MEGF11: variants seen among roughly 807,000 people sequenced by gnomAD.
MEGF11 encodes multiple epidermal growth factor-like domains protein 11.
MEGF11 carries 126 observed loss-of-function variants against 146.6 expected under a neutral mutation model. The observed-to-expected ratio is 0.86, with a 90% CI of 0.74 to 1.00. MEGF11 has a LOEUF of 1.00. Among genes scored for constraint, MEGF11 ranks in the 50% least tolerant of loss-of-function variants. The probability of loss-of-function intolerance (pLI) is 0.00; values close to 1 mark genes in which losing one functional copy is unlikely to be tolerated. For synonymous variants in MEGF11, 532 were observed against 583.4 expected, an observed-to-expected ratio of 0.91 and a Z score of 1.27; for missense variants, 1,509 against 1,521.2, an observed-to-expected ratio of 0.99 and a Z score of 0.13.
chr15:66,099,170 G>A (rs965642048), intron 4 of MEGF11, among the ~76,000 whole-genome samples: 8 of 150,462 alleles, frequency 5.3e-5, no homozygotes, highest in Non-Finnish European at 1.2e-4. Context: ...ACCTGGCCAA[G>A]AGCCACTCCC....
intron 9 of MEGF11, among the ~76,000 whole-genome samples, chr15:65,961,855 G>C (rs894731248): frequency 6.6e-6 from 1 of 152,202 alleles, no homozygotes; most frequent in South Asian, 2.1e-4. Context: ...TTTGAGGCTA[G>C]GCTTCTAGGG....
chr15:66,055,477 G>A (rs1597035418), intron 5 of MEGF11, among the ~76,000 whole-genome samples: 1 of 152,234 alleles, frequency 6.6e-6, no homozygotes, highest in Non-Finnish European at 1.5e-5. Flanking sequence ...ATAATTGCAC[G>A]AGGGTGCCTC....
At chr15:66,252,434 C>A (rs2092387428) in intron 1 of MEGF11, among the ~76,000 whole-genome samples, 1 of 152,196 alleles carries the variant, frequency 6.6e-6, no homozygotes. Context: ...GATCCTGAAG[C>A]GGAGCCACTT....
intron 5 of MEGF11, among the ~76,000 whole-genome samples, chr15:66,036,101 G>A (rs1738173228): frequency 6.6e-6 from 1 of 152,268 alleles, no homozygotes; most frequent in African/African-American, 2.4e-5. Context: ...AGAGGGGCCA[G>A]GAGCTGGCAT....
chr15:66,186,777 G>A (rs2090717740), intron 1 of MEGF11, among the ~76,000 whole-genome samples: 1 of 152,196 alleles, frequency 6.6e-6, no homozygotes, highest in African/African-American at 2.4e-5. Flanking sequence ...TTTTCTCTCT[G>A]TCCTGTTTGG....
intron 5 of MEGF11, among the ~76,000 whole-genome samples, chr15:66,020,464 A>G (rs1316291982): frequency 2.0e-5 from 3 of 152,214 alleles, no homozygotes; most frequent in African/African-American, 7.2e-5. Context: ...TGTTCTTTCC[A>G]GTTACAAGAG....
intron 1 of MEGF11, among the ~76,000 whole-genome samples, chr15:66,223,735 T>C (rs553010108): frequency 2.2e-4 from 34 of 152,182 alleles, no homozygotes; most frequent in African/African-American, 7.9e-4. Flanking sequence ...AAAAATAAAA[T>C]AAAAATGAAA....
chr15:66,229,322 C>G, intron 1 of MEGF11, among the ~76,000 whole-genome samples: 1 of 151,988 alleles, frequency 6.6e-6, no homozygotes, highest in East Asian at 1.9e-4. Context: ...TGTCCACAAG[C>G]CCCAGGCTCC....
intron 19 of MEGF11, 62 bp downstream of exon 19, chr15:65,915,408 C>CT: frequency 1.3e-6 from 2 of 1,569,614 alleles, no homozygotes; most frequent in Admixed American, 1.8e-5. Context: ...GAGTTGGAAT[C>CT]TCCCTAGAGC....
intron 5 of MEGF11, among the ~76,000 whole-genome samples, chr15:65,996,700 G>T (rs996105990): frequency 6.6e-5 from 10 of 152,000 alleles, no homozygotes; most frequent in African/African-American, 2.4e-4. Flanking sequence ...TGACCAGGCT[G>T]GTCTCAAACT....
intron 1 of MEGF11, among the ~76,000 whole-genome samples, chr15:66,250,061 T>G (rs1289423654): frequency 1.3e-5 from 2 of 152,232 alleles, no homozygotes; most frequent in East Asian, 3.8e-4. Flanking sequence ...ACCAAACAGC[T>G]GTGGATGCTG....
rs1597110654 is a variant in MEGF11 at position 66,128,394 on chromosome 15, A to G, written c.10T>C (p.Ser4Pro). 1.3e-6 allele frequency: 2 copies of G among 1,512,470 alleles called. No homozygotes were observed. The highest frequency in any genetic ancestry group is 5.2e-5 in the East Asian group (2 of 38,104). 93.7% of individuals were successfully genotyped at this position (1,512,470 alleles called of 1,614,324 possible). A position where few individuals can be genotyped will look rare whatever the true frequency, so the allele number is the denominator to read the frequency against. MVL[S>P]LTGLIAFSFL... The stretch of plus-strand genomic sequence containing the variant: ...GAGAAGGCAATGAGCCCCGTCAGGG[A>G]GAGCACCATCCCGGGCCCTGCACAG... Residue 4 changes from serine to proline, a missense_variant, in exon 2 of 26, where the codon TCC becomes CCC. Coordinates refer to ENST00000395614, the MANE Select transcript of MEGF11 (RefSeq NM_001385028.1).
At chr15:65,925,489 T>C (rs117588398) in intron 13 of MEGF11, among the ~76,000 whole-genome samples, 296 of 152,316 alleles carry the variant, frequency 1.9e-3, no homozygotes, top group Non-Finnish European at 3.4e-3. Context: ...TTTCCCCATA[T>C]GGAGTGCCCA....
intron 25 of MEGF11, chr15:65,898,458 C>T (rs763510759): frequency 5.4e-5 from 53 of 983,246 alleles, no homozygotes; most frequent in East Asian, 2.3e-4. Flanking sequence ...TGTGTGTGCG[C>T]GCGTGCACGT....
chr15:66,180,676 G>A (rs1206168115), intron 1 of MEGF11, among the ~76,000 whole-genome samples: 1 of 152,196 alleles, frequency 6.6e-6, no homozygotes, highest in Non-Finnish European at 1.5e-5. Flanking sequence ...TAACACTTTA[G>A]GGGAAACTGC....
At chr15:65,945,957 A>G (rs2080176813) in intron 10 of MEGF11, among the ~76,000 whole-genome samples, 1 of 152,212 alleles carries the variant, frequency 6.6e-6, no homozygotes, top group Non-Finnish European at 1.5e-5. Flanking sequence ...GACCTTGTGC[A>G]AGGTGTTAAC....
intron 1 of MEGF11, among the ~76,000 whole-genome samples, chr15:66,152,865 G>A (rs2089619359): frequency 6.6e-6 from 1 of 152,188 alleles, no homozygotes; most frequent in Non-Finnish European, 1.5e-5. Flanking sequence ...GGCATGGGAG[G>A]GTATCCAGGC....
At chr15:66,056,903 G>A (rs1165974507) in intron 5 of MEGF11, among the ~76,000 whole-genome samples, 1 of 152,170 alleles carries the variant, frequency 6.6e-6, no homozygotes, top group African/African-American at 2.4e-5. Flanking sequence ...AGCTGCATGT[G>A]GACTTTTCTC....
intron 1 of MEGF11, among the ~76,000 whole-genome samples, chr15:66,151,513 G>A (rs2089571201): frequency 6.6e-6 from 1 of 152,148 alleles, no homozygotes; most frequent in South Asian, 2.1e-4. Context: ...ATCTGTCAAG[G>A]AAGCTCACCA....
Sources: allele counts gnomAD v4.1 joint callset (sites outside exome capture counted in the v4.1 genomes callset), GRCh38; gene constraint gnomAD v4.1.1; transcripts MANE v1.5; gene names NCBI Gene and HGNC (gene_info 2026-07-23, HGNC 2026-07-21).